PTPRQ: variants seen among roughly 807,000 people sequenced by gnomAD.
PTPRQ encodes the protein phosphatidylinositol phosphatase PTPRQ.
A neutral mutation model predicts 246.0 loss-of-function variants in PTPRQ; 199 were observed. The observed-to-expected ratio is 0.81, with a 90% CI of 0.72 to 0.91. The LOEUF (loss-of-function observed/expected upper bound fraction) is 0.91, where lower values mean the gene tolerates loss of function less well. Among genes scored for constraint, PTPRQ ranks in the 40% least tolerant of loss-of-function variants. The pLI, the probability that PTPRQ is intolerant of heterozygous loss-of-function variation, is 0.00. For synonymous variants in PTPRQ, 869 were observed against 853.2 expected (o/e 1.02, Z -0.32); for missense variants, 2,624 against 2,528.4 (o/e 1.04, Z -0.81).
intron 16 of PTPRQ, among the ~76,000 whole-genome samples, chr12:80,507,221 A>ACTTG (rs2120702114): frequency 6.6e-6 from 1 of 151,936 alleles, no homozygotes; most frequent in Admixed American, 6.6e-5. Context: ...AGTCAACTTT[A>ACTTG]CTACTGAGGC....
In PTPRQ at chr12:80,468,727, C is replaced by G; in HGVS notation, c.928C>G (p.Gln310Glu). 1 of 1,546,384 alleles carries G rather than the reference C, an allele frequency of 6.5e-7. No individual in the cohort carries two copies. The highest frequency in any genetic ancestry group is 8.7e-7 in the Non-Finnish European group (1 of 1,145,004). Residue 310 changes from glutamine (Q) to glutamate (E), a missense_variant, in exon 7 of 45, where the codon CAA becomes GAA. Gln to Glu is a conservative substitution (Grantham distance 29). Transcript: ENST00000644991. Reference sequence around the variant, plus strand: ...TATTTTAGTGCCTGAAGGACCACCACAAAACTGCGTAACAGGCAACATCAC... The same window carrying G: ...TATTTTAGTGCCTGAAGGACCACCAGAAAACTGCGTAACAGGCAACATCAC... ...TPESVPEGPP[Q>E]NCVTGNITGK... is the part of the protein sequence containing the mutation.
chr12:80,602,015 T>C (rs1447778553), intron 26 of PTPRQ, among the ~76,000 whole-genome samples: 2 of 151,756 alleles, frequency 1.3e-5, no homozygotes, highest in East Asian at 3.9e-4. Flanking sequence ...TCTTAGCTCA[T>C]CAAATCGAAT....
chr12:80,541,707 CTT>C lies in PTPRQ; in HGVS notation c.3308_3309del (p.Leu1103ArgfsTer4), dbSNP rs1310828595. 3 of 1,551,308 alleles carry C rather than the reference CTT, an allele frequency of 1.9e-6. No individual in the cohort carries two copies. In the South Asian group the frequency reaches 3.6e-5, roughly 18 times the overall value. The stretch of plus-strand genomic sequence containing the variant: ...GACTCCTCGCCATGTGAGACCACCT[CTT>C]GTTACATATGAGAGAAGCATATATT... ...QQTPRHVRPP[L>X]VTYERSIYFD... On this transcript the variant is annotated frameshift_variant, in exon 21 of 45. Coordinates refer to ENST00000644991, the MANE Select transcript of PTPRQ (RefSeq NM_001145026.2). LOFTEE classifies it high-confidence loss of function.
At chr12:80,456,161 T>C (rs1391010824) in intron 3 of PTPRQ, among the ~76,000 whole-genome samples, 1 of 152,222 alleles carries the variant, frequency 6.6e-6, no homozygotes, top group Non-Finnish European at 1.5e-5. Flanking sequence ...TATGTGATTT[T>C]ATATAAATGA....
intron 38 of PTPRQ, among the ~76,000 whole-genome samples, chr12:80,655,786 A>G (rs1287134937): frequency 1.3e-5 from 2 of 152,204 alleles, no homozygotes; most frequent in African/African-American, 4.8e-5. Context: ...AATTTTAGCT[A>G]ATAGAATTTG....
chr12:80,668,542 G>A (rs1351038866), intron 39 of PTPRQ, among the ~76,000 whole-genome samples: 2 of 151,808 alleles, frequency 1.3e-5, no homozygotes, highest in Non-Finnish European at 2.9e-5. Flanking sequence ...GGTTTAGAGA[G>A]CTGGTTCTGG....
intron 9 of PTPRQ, among the ~76,000 whole-genome samples, chr12:80,489,493 A>G (rs1164872099): frequency 6.6e-6 from 1 of 152,010 alleles, no homozygotes; most frequent in Non-Finnish European, 1.5e-5. Context: ...ACTCTTTCTC[A>G]TTGAAGATAA....
Position 80,535,133 on chromosome 12 carries a change from T to C in PTPRQ, c.2985+96T>C, listed in dbSNP as rs1447331076. The C allele has an allele frequency of 7.4e-6, 9 of 1,211,968 alleles. No individual in the cohort carries two copies. In the Admixed American group the frequency reaches 1.0e-4, roughly 14 times the overall value. 75.1% of individuals were successfully genotyped at this position (1,211,968 alleles called of 1,614,324 possible). Reference sequence around the variant, plus strand: ...AGTAAAAGAAATTGTTTACCTTACATTGATAATTAGGCACAGATGTATTTT... The same window carrying C: ...AGTAAAAGAAATTGTTTACCTTACACTGATAATTAGGCACAGATGTATTTT... On this transcript the variant is annotated intron_variant, in intron 19 of 44. Coordinates refer to ENST00000644991, the MANE Select transcript of PTPRQ (RefSeq NM_001145026.2).
In PTPRQ at chr12:80,460,768, G is replaced by C. The variant is rs1893136971; in HGVS notation, c.776G>C (p.Ser259Thr). 2.5e-6 allele frequency: 1 copy of C among 400,594 alleles called. No individual in the cohort carries two copies. The highest frequency in any genetic ancestry group is 4.4e-6 in the Non-Finnish European group (1 of 226,218). 24.8% of individuals were successfully genotyped at this position (400,594 alleles called of 1,614,324 possible). A position where few individuals can be genotyped will look rare whatever the true frequency, so the allele number is the denominator to read the frequency against. ...SSSTLTQNEI[S>T]SVWKEPISFV... ...AGCACGTTGACACAGAATGAGATCA[G>C]CTCTGTGTGGAAAGAGCCTATCAGT... Residue 259 changes from serine (S) to threonine (T), a missense_variant, in exon 6 of 45, where the codon AGC becomes ACC. Physicochemically the swap from Ser to Thr is moderately conservative, Grantham distance 58. Coordinates refer to ENST00000644991, the MANE Select transcript of PTPRQ (RefSeq NM_001145026.2).
chr12:80,616,094 T>TATATATATAC (rs549757020), intron 29 of PTPRQ, 106 bp from the exon 30 acceptor site: 1 of 568,154 alleles, frequency 1.8e-6, no homozygotes, highest in Admixed American at 5.4e-5. Flanking sequence ...TATATATATA[T>TATATATATAC]AACTATATAT....
At chr12:80,551,762 A>G (rs913581199) in intron 25 of PTPRQ, among the ~76,000 whole-genome samples, 3 of 151,922 alleles carry the variant, frequency 2.0e-5, no homozygotes, top group Non-Finnish European at 4.4e-5. Context: ...GTATCTTCTC[A>G]TATAGCTGAT....
chr12:80,459,192 A>G, intron 4 of PTPRQ, 92 bp from the exon 5 acceptor site: 1 of 396,780 alleles, frequency 2.5e-6, no homozygotes, highest in Non-Finnish European at 4.4e-6. Flanking sequence ...GCAGTGTATT[A>G]TATATTTAAT....
intron 25 of PTPRQ, among the ~76,000 whole-genome samples, chr12:80,550,720 A>C (rs922440153): frequency 6.6e-6 from 1 of 152,092 alleles, no homozygotes; most frequent in Non-Finnish European, 1.5e-5. Context: ...AATAGAAATG[A>C]TTCTACTTTG....
intron 26 of PTPRQ, among the ~76,000 whole-genome samples, chr12:80,595,356 A>C (rs995594814): frequency 6.6e-6 from 1 of 152,216 alleles, no homozygotes; most frequent in South Asian, 2.1e-4. Flanking sequence ...TGAATATGGA[A>C]GAAAGGCATT....
At chr12:80,554,031 A>G (rs537774892) in intron 25 of PTPRQ, among the ~76,000 whole-genome samples, 27 of 149,884 alleles carry the variant, frequency 1.8e-4, no homozygotes, top group African/African-American at 6.6e-4. Flanking sequence ...TCATGGAGAT[A>G]GAGTGTAGAA....
chr12:80,533,420 G>A (rs1895899720), intron 17 of PTPRQ, among the ~76,000 whole-genome samples: 1 of 151,986 alleles, frequency 6.6e-6, no homozygotes, highest in Admixed American at 6.5e-5. Context: ...TTTTGATTGA[G>A]TGAGAGGTGT....
chr12:80,458,022 T>G (rs149567913), intron 4 of PTPRQ, among the ~76,000 whole-genome samples: 1 of 152,234 alleles, frequency 6.6e-6, no homozygotes, highest in Non-Finnish European at 1.5e-5. Context: ...ATATGCAAGT[T>G]TATATCCTGC....
intron 3 of PTPRQ, among the ~76,000 whole-genome samples, chr12:80,452,725 T>C (rs1167772028): frequency 6.6e-6 from 1 of 152,256 alleles, no homozygotes; most frequent in Admixed American, 6.5e-5. Context: ...GAGTTTCTAC[T>C]GAGAGATCCG....
In PTPRQ at chr12:80,484,395, T is replaced by A. The variant is rs7311413; in HGVS notation, c.1187-38T>A. The A allele has an allele frequency of 0.9, 1,367,674 of 1,511,502 alleles. 623,969 individuals are homozygous for A. The highest frequency in any genetic ancestry group is 0.93 in the Non-Finnish European group (1,057,639 of 1,133,128). The allele number at this position is 1,511,502 out of a possible 1,614,324, so 93.6% of individuals were successfully genotyped here. The stretch of plus-strand genomic sequence containing the variant: ...TTTTCACTTGAAAAAATATTTTTAA[T>A]TTCCCCCTTTTCTTTTCTTTCTTTC... On this transcript the variant is annotated intron_variant, in intron 8 of 44. Transcript: ENST00000644991.
Sources: allele counts gnomAD v4.1 joint callset (sites outside exome capture counted in the v4.1 genomes callset), GRCh38; gene constraint gnomAD v4.1.1; transcripts MANE v1.5; gene names NCBI Gene and HGNC (gene_info 2026-07-23, HGNC 2026-07-21).